Variants in JAG2 observed in about 807,000 individuals in gnomAD.
JAG2 encodes jagged canonical Notch ligand 2.
JAG2 carries 46 observed loss-of-function variants against 141.7 expected under a neutral mutation model. That is an observed-to-expected ratio of 0.32 (90% CI 0.26 to 0.42). JAG2 has a LOEUF of 0.42. Among genes scored for constraint, JAG2 ranks in the 10% least tolerant of loss-of-function variants. JAG2 has a pLI of 1.00. For missense variants in JAG2, 1,500 were observed against 1,817.5 expected, an observed-to-expected ratio of 0.83 and a Z score of 3.18; for synonymous variants, 862 against 763.5, an observed-to-expected ratio of 1.13 and a Z score of -2.13.
chr14:105,147,925 G>A (rs996148181), intron 17 of JAG2, 37 bp from the exon 18 acceptor site: 3 of 1,477,662 alleles, frequency 2.0e-6, no homozygotes, highest in East Asian at 4.9e-5. Context: ...GTCTCACCTG[G>A]CCCTGGGCTG....
intron 20 of JAG2, 192 bp downstream of exon 20, chr14:105,147,134 A>T: frequency 1.6e-6 from 1 of 638,262 alleles, no homozygotes; most frequent in Non-Finnish European, 2.8e-6. Flanking sequence ...CTCCCCACTT[A>T]ATCACTTGGC....
chr14:105,143,013 G>A lies in JAG2; in HGVS notation c.3399C>T (p.Pro1133=), dbSNP rs1197259541. ...SANNQWAPLN[P]IRNPIERPGG... is the part of the protein sequence containing the mutation. ...CCGGCCGCTCAATGGGGTTGCGGAT[G>A]GGGTTGAGCGGGGCCCACTGGTTGT... The change falls in exon 26 of 26, where the codon CCC becomes CCT. Residue 1133 remains proline, a synonymous_variant. Transcript: ENST00000331782. The A allele has an allele frequency of 6.2e-7, 1 of 1,606,352 alleles. No homozygotes were observed. The highest frequency in any genetic ancestry group is 1.3e-5 in the African/African-American group (1 of 74,918).
chr14:105,149,129 G>GCCCCACCACCTC lies in JAG2; in HGVS notation c.1753+29_1753+40dup. The stretch of plus-strand genomic sequence containing the variant: ...ACAGTCAGGAGTCAGGCCCGCCCCT[G>GCCCCACCACCTC]CCCCACCACCTCCCCCACCACCCCA... On this transcript the variant is annotated intron_variant, in intron 13 of 25. Transcript: ENST00000331782. 14 of 1,551,922 alleles carry GCCCCACCACCTC rather than the reference G, an allele frequency of 9.0e-6. No homozygotes were observed. In the South Asian group the frequency reaches 1.6e-4, roughly 18 times the overall value.
At position 105,155,721 on chromosome 14, in the gene JAG2, C is replaced by G. The variant is rs778738600; in HGVS notation, c.727+17G>C. 1.2e-6 allele frequency: 2 copies of G among 1,612,338 alleles called. No homozygotes were observed. The highest frequency in any genetic ancestry group is 2.2e-5 in the East Asian group (1 of 44,894). On this transcript the variant is annotated intron_variant, in intron 4 of 25. Transcript: ENST00000331782. ...GAGGCCCTCCCTGCCCTCCACGCAGCCCAGCGGCCCCCTCACCTTCCTTGC... is the reference window on the plus strand; with the variant it reads ...GAGGCCCTCCCTGCCCTCCACGCAGGCCAGCGGCCCCCTCACCTTCCTTGC...
At chr14:105,151,142 C>A in intron 9 of JAG2, 38 bp from the exon 10 acceptor site, 1 of 1,565,226 alleles carries the variant, frequency 6.4e-7, no homozygotes. Flanking sequence ...GGGGCTCGGG[C>A]CCTGCCTGCC....
At chr14:105,151,147 C>A (rs772890533) in intron 9 of JAG2, 43 bp from the exon 10 acceptor site, 1 of 1,560,046 alleles carries the variant, frequency 6.4e-7, no homozygotes, top group Admixed American at 1.8e-5. Context: ...TCGGGCCCTG[C>A]CTGCCCCCTG....
intron 17 of JAG2, 47 bp downstream of exon 17, chr14:105,148,069 G>T: frequency 6.9e-7 from 1 of 1,452,552 alleles, no homozygotes; most frequent in Non-Finnish European, 9.4e-7. Flanking sequence ...AGCGGTGCCT[G>T]GGAGGGCATA....
intron 1 of JAG2, 55 bp from the exon 2 acceptor site, chr14:105,168,162 C>T (rs1888981149): frequency 1.4e-6 from 2 of 1,405,978 alleles, no homozygotes; most frequent in African/African-American, 1.5e-5. Context: ...GTCGGCGGGC[C>T]GGGCGCCAGG....
intron 2 of JAG2, among the ~76,000 whole-genome samples, chr14:105,163,447 C>T (rs930822754): frequency 5.9e-5 from 9 of 152,158 alleles, no homozygotes; most frequent in Non-Finnish European, 8.8e-5. Context: ...ACCGTGAAGA[C>T]GGTGGCAGCC....
chr14:105,150,705 C>T lies in JAG2; in HGVS notation c.1501G>A (p.Glu501Lys), dbSNP rs1057744. 804,562 of 1,560,146 alleles carry T rather than the reference C, an allele frequency of 0.52. 212,715 individuals are homozygous for T. Among genetic ancestry groups the T allele is most frequent in the African/African-American group, 0.77 (56,707 of 73,536 alleles). Residue 501 changes from glutamate (E) to lysine (K), a missense_variant, in exon 12 of 26, where the codon GAG becomes AAG. Coordinates refer to ENST00000331782, the MANE Select transcript of JAG2 (RefSeq NM_002226.5). ...GGRHCELERD[E>K]CASSPCHSGG... ...CTGTGGCAGGGGCTGCTGGCACACT[C>T]GTCTCGTTCCAGCTCGCAATGCCGG...
At chr14:105,146,275 G>A (rs969678530) in intron 22 of JAG2, 110 bp downstream of exon 22, 21 of 987,572 alleles carry the variant, frequency 2.1e-5, no homozygotes, top group African/African-American at 3.2e-5. Context: ...GAGGGCAGAC[G>A]GCTCTCAGTC....
intron 24 of JAG2, among the ~76,000 whole-genome samples, chr14:105,144,025 G>T (rs1310454548): frequency 7.2e-6 from 1 of 139,006 alleles, no homozygotes; most frequent in Non-Finnish European, 1.6e-5. Flanking sequence ...GGGGTGGAGG[G>T]TGTCCCCGTC....
chr14:105,145,096 G>A, intron 23 of JAG2, 35 bp from the exon 24 acceptor site: 1 of 1,606,878 alleles, frequency 6.2e-7, no homozygotes, highest in Non-Finnish European at 8.5e-7. Flanking sequence ...GGCAGGGCAG[G>A]GCCGTGAACC....
rs887417232 is a variant in JAG2 at position 105,154,403 on chromosome 14, C to A, written c.788+1159G>T. On this transcript the variant is annotated intron_variant, in intron 5 of 25. Transcript: ENST00000331782. This position sits in a 1 kb window ranked among gnomAD's most constrained non-coding sequence, Gnocchi z 4.4. ...GCTTGCTCACGCACAGTGAGCGCCA[C>A]GGCTCGAAGCCCGTGCCCACCCCAG... Among the ~76,000 whole-genome samples the A allele has an allele frequency of 6.6e-6, 1 of 152,132 alleles. No homozygotes were observed. The highest frequency in any genetic ancestry group is 1.5e-5 in the Non-Finnish European group (1 of 68,018).
chr14:105,154,152 A>C lies in JAG2; in HGVS notation c.788+1410T>G, dbSNP rs1050364193. ...ACCCACCTCCCCACCTTGGCTCCCA[A>C]CTCAGCTGGTTCCCAAACTCCCCGA... On this transcript the variant is annotated intron_variant, in intron 5 of 25. Coordinates refer to ENST00000331782, the MANE Select transcript of JAG2 (RefSeq NM_002226.5). The surrounding 1 kb of genome is among the most constrained non-coding windows in gnomAD (Gnocchi z 4.4). 6.6e-6 allele frequency among the ~76,000 whole-genome samples: 1 copy of C among 151,750 alleles called. No homozygotes were observed. Among genetic ancestry groups the C allele is most frequent in the Non-Finnish European group, 1.5e-5 (1 of 67,908 alleles).
chr14:105,156,217 G>A (rs1262610684), intron 3 of JAG2, among the ~76,000 whole-genome samples: 4 of 152,052 alleles, frequency 2.6e-5, no homozygotes, highest in Non-Finnish European at 4.4e-5. Flanking sequence ...CACCCTAAAC[G>A]CAGAGGGTCG....
Position 105,151,971 on chromosome 14 carries a change from G to T in JAG2, c.1006C>A (p.Pro336Thr). 2 of 1,613,346 alleles carry T rather than the reference G, an allele frequency of 1.2e-6. No homozygotes were observed. Among genetic ancestry groups the T allele is most frequent in the Non-Finnish European group, 1.7e-6 (2 of 1,180,010 alleles). The change falls in exon 7 of 26, where the codon CCT becomes ACT. Residue 336 changes from proline (P) to threonine (T), a missense_variant. Physicochemically the swap from Pro to Thr is conservative, Grantham distance 38 (BLOSUM62 -1). This residue lies in a region of JAG2 where 875 missense variants were observed against 1,202.2 expected (regional missense o/e 0.73). Coordinates refer to ENST00000331782, the MANE Select transcript of JAG2 (RefSeq NM_002226.5). The stretch of plus-strand genomic sequence containing the variant: ...CAGTTCCTGCCCGAGTAGCCGTCAG[G>T]GCAGGTGCAGCGGTACTGGTCAGGC... The part of the protein sequence containing the change: ...AEPDQYRCTC[P>T]DGYSGRNCEK...
In JAG2 at chr14:105,142,584, G is replaced by T. The variant is rs957578869; in HGVS notation, c.*111C>A. 7.6e-6 allele frequency: 6 copies of T among 786,072 alleles called. No individual in the cohort carries two copies. Among genetic ancestry groups the T allele is most frequent in the Non-Finnish European group, 1.0e-5 (5 of 498,302 alleles). The allele number at this position is 786,072 out of a possible 1,614,324, so 48.7% of individuals were successfully genotyped here. A position where few individuals can be genotyped will look rare whatever the true frequency, so the allele number is the denominator to read the frequency against. Reference sequence around the variant, plus strand: ...AAACATTTGGTTTTTGTTTTTGGTGGTTTTTTTACACAAAATAAAGAAACT... The same window carrying T: ...AAACATTTGGTTTTTGTTTTTGGTGTTTTTTTTACACAAAATAAAGAAACT... On this transcript the variant is annotated 3_prime_UTR_variant, in exon 26 of 26. Coordinates refer to ENST00000331782, the MANE Select transcript of JAG2 (RefSeq NM_002226.5).
At position 105,147,445 on chromosome 14, in the gene JAG2, C is replaced by T. The variant is rs1003015930; in HGVS notation, c.2394-34G>A. 3.1e-6 allele frequency: 5 copies of T among 1,609,916 alleles called. No homozygotes were observed. The African/African-American group carries it at 6.7e-5, about 22-fold the overall frequency. On this transcript the variant is annotated intron_variant, in intron 19 of 25. Coordinates refer to ENST00000331782, the MANE Select transcript of JAG2 (RefSeq NM_002226.5). Reference sequence around the variant, plus strand: ...CAGAGGGTGGGCATCAGGTGGCCCCCCGTGGTATGCCAAGTCCCACCCACC... The same window carrying T: ...CAGAGGGTGGGCATCAGGTGGCCCCTCGTGGTATGCCAAGTCCCACCCACC...
Sources: allele counts gnomAD v4.1 joint callset (sites outside exome capture counted in the v4.1 genomes callset), GRCh38; gene constraint gnomAD v4.1.1; regional missense constraint gnomAD v4.1.1; non-coding constraint Gnocchi (gnomAD v3.1); transcripts MANE v1.5; gene names NCBI Gene and HGNC (gene_info 2026-07-23, HGNC 2026-07-21).